CLASP2: variants seen among roughly 807,000 people sequenced by gnomAD.
CLASP2 encodes the protein cytoplasmic linker associated protein 2.
A neutral mutation model predicts 194.4 loss-of-function variants in CLASP2; 47 were observed. The observed-to-expected ratio is 0.24, with a 90% CI of 0.19 to 0.31. The LOEUF (loss-of-function observed/expected upper bound fraction) is 0.31, where lower values mean the gene tolerates loss of function less well. Among genes scored for constraint, CLASP2 ranks in the 10% least tolerant of loss-of-function variants. The probability of loss-of-function intolerance (pLI) is 1.00; values close to 1 mark genes in which losing one functional copy is unlikely to be tolerated. For synonymous variants in CLASP2, 619 were observed against 633.5 expected, an observed-to-expected ratio of 0.98 and a Z score of 0.34; for missense variants, 1,445 against 1,823.6, an observed-to-expected ratio of 0.79 and a Z score of 3.78.
chr3:33,587,954 G>C (rs1265096365), intron 21 of CLASP2, among the ~76,000 whole-genome samples: 1 of 152,170 alleles, frequency 6.6e-6, no homozygotes, highest in African/African-American at 2.4e-5. Context: ...GTTGGTAGGA[G>C]AGACTGCAGA....
intron 34 of CLASP2, among the ~76,000 whole-genome samples, chr3:33,522,716 A>T (rs1239404944): frequency 1.3e-5 from 2 of 152,226 alleles, no homozygotes; most frequent in Non-Finnish European, 2.9e-5. Context: ...AAAGAGATAG[A>T]AAACCTAAAA....
chr3:33,633,996 G>C (rs1298331296), intron 8 of CLASP2, among the ~76,000 whole-genome samples: 1 of 152,082 alleles, frequency 6.6e-6, no homozygotes. Context: ...TATAAATTCA[G>C]GATGTGCAAC....
intron 12 of CLASP2, 85 bp downstream of exon 12, chr3:33,619,518 T>C (rs569995421): frequency 9.1e-7 from 1 of 1,104,480 alleles, no homozygotes; most frequent in African/African-American, 2.3e-5. Flanking sequence ...AGGGGTGGGG[T>C]GGGGAAAGGA....
chr3:33,555,292 A>G (rs1206845246), intron 29 of CLASP2, among the ~76,000 whole-genome samples: 1 of 152,198 alleles, frequency 6.6e-6, no homozygotes, highest in Non-Finnish European at 1.5e-5. Flanking sequence ...AATGTGCAGT[A>G]GACAGGAAAA....
chr3:33,669,912 T>C (rs185947284), intron 6 of CLASP2, among the ~76,000 whole-genome samples: 20 of 152,188 alleles, frequency 1.3e-4, no homozygotes, highest in African/African-American at 4.8e-4. Context: ...ACAAAGCATA[T>C]ACAAGAAAGT....
At chr3:33,609,743 T>C (rs558447506) in intron 13 of CLASP2, among the ~76,000 whole-genome samples, 2 of 152,356 alleles carry the variant, frequency 1.3e-5, no homozygotes, top group South Asian at 4.1e-4. Context: ...AGCATTGATG[T>C]ATCACTTCAG....
chr3:33,632,242 TGA>T, intron 9 of CLASP2, 48 bp downstream of exon 9: 1 of 1,138,428 alleles, frequency 8.8e-7, no homozygotes, highest in Non-Finnish European at 1.2e-6. Flanking sequence ...AATAATTATA[TGA>T]ACAGGCACAC....
At chr3:33,619,940 A>G (rs1459024533) in intron 11 of CLASP2, among the ~76,000 whole-genome samples, 4 of 152,226 alleles carry the variant, frequency 2.6e-5, no homozygotes, top group Non-Finnish European at 5.9e-5. Flanking sequence ...TGGCTAGTCC[A>G]AAGTTGAAAT....
At chr3:33,694,663 G>A (rs2091688050) in intron 2 of CLASP2, among the ~76,000 whole-genome samples, 1 of 152,164 alleles carries the variant, frequency 6.6e-6, no homozygotes, top group African/African-American at 2.4e-5. Context: ...CTAGACACAG[G>A]AGAAACTACA....
chr3:33,658,747 T>C (rs2084754393), intron 7 of CLASP2, among the ~76,000 whole-genome samples: 1 of 151,932 alleles, frequency 6.6e-6, no homozygotes, highest in Admixed American at 6.6e-5. Context: ...GCAAGGTAAA[T>C]TGTCACCTCA....
At chr3:33,692,572 A>G (rs971988672) in intron 2 of CLASP2, among the ~76,000 whole-genome samples, 1 of 152,192 alleles carries the variant, frequency 6.6e-6, no homozygotes, top group African/African-American at 2.4e-5. Flanking sequence ...CCAGTTACTA[A>G]TTACAAAACA....
At chr3:33,667,624 T>C (rs1210302662) in intron 6 of CLASP2, among the ~76,000 whole-genome samples, 1 of 152,136 alleles carries the variant, frequency 6.6e-6, no homozygotes, top group Non-Finnish European at 1.5e-5. Context: ...ATTTTGGCTC[T>C]TACATTTGGT....
At chr3:33,636,094 T>G (rs1027588357) in intron 8 of CLASP2, among the ~76,000 whole-genome samples, 2 of 152,126 alleles carry the variant, frequency 1.3e-5, no homozygotes, top group Non-Finnish European at 2.9e-5. Flanking sequence ...GTGGGAGGTA[T>G]CCTTTTGAAT....
intron 7 of CLASP2, among the ~76,000 whole-genome samples, chr3:33,656,799 G>A (rs2084308532): frequency 8.3e-6 from 1 of 121,190 alleles, no homozygotes; most frequent in African/African-American, 3.1e-5. Context: ...AAAAAATGAT[G>A]CGAAATAACA....
intron 8 of CLASP2, among the ~76,000 whole-genome samples, chr3:33,634,309 A>G (rs537829090): frequency 2.0e-5 from 3 of 152,372 alleles, no homozygotes; most frequent in East Asian, 3.9e-4. Context: ...AAACAAAACC[A>G]TCATTACTAT....
rs1294003722 is a variant in CLASP2 at position 33,497,892 on chromosome 3, A to T, written c.*739T>A. 6.6e-6 allele frequency: 1 copy of T among 152,666 alleles called. No homozygotes were observed. The highest frequency in any genetic ancestry group is 6.5e-5 in the Admixed American group (1 of 15,276). 9.5% of individuals were successfully genotyped at this position (152,666 alleles called of 1,614,324 possible). A position where few individuals can be genotyped will look rare whatever the true frequency, so the allele number is the denominator to read the frequency against. On this transcript the variant is annotated 3_prime_UTR_variant, in exon 39 of 39. Coordinates refer to ENST00000682230, the MANE Select transcript of CLASP2 (RefSeq NM_001365631.1). ...AATAAAACCTTCTATTTCAGTAAGT[A>T]TCAAGAAAAAACAGGCAGATGATTT...
chr3:33,592,350 C>T, intron 21 of CLASP2, 45 bp downstream of exon 21: 1 of 1,320,892 alleles, frequency 7.6e-7, no homozygotes. Flanking sequence ...ACACACTTAT[C>T]CTAACATAGT....
intron 21 of CLASP2, among the ~76,000 whole-genome samples, chr3:33,588,314 G>A (rs998863399): frequency 1.3e-5 from 2 of 152,146 alleles, no homozygotes; most frequent in East Asian, 1.9e-4. Context: ...CAGAGTTGTT[G>A]AAAAGTGTCA....
intron 19 of CLASP2, 151 bp downstream of exon 19, chr3:33,596,560 G>C: frequency 1.4e-6 from 1 of 704,790 alleles, no homozygotes; most frequent in South Asian, 1.9e-5. Flanking sequence ...AATTCATTCA[G>C]AGAATTATGT....
Sources: allele counts gnomAD v4.1 joint callset (sites outside exome capture counted in the v4.1 genomes callset), GRCh38; gene constraint gnomAD v4.1.1; transcripts MANE v1.5; gene names NCBI Gene and HGNC (gene_info 2026-07-23, HGNC 2026-07-21).